Variants in RBFOX1 observed in about 807,000 individuals in gnomAD.
RBFOX1 encodes the protein RNA binding protein fox-1 homolog 1.
RBFOX1 carries 8 observed loss-of-function variants against 57.7 expected under a neutral mutation model. The ratio of observed to expected loss-of-function variants is 0.14; its 90% confidence interval spans 0.08 to 0.25. RBFOX1 has a LOEUF of 0.25. Ranked by LOEUF, RBFOX1 falls within the 10% of genes least tolerant of loss-of-function variation. The pLI, the probability that RBFOX1 is intolerant of heterozygous loss-of-function variation, is 1.00. For missense variants in RBFOX1, 611 were observed against 548.5 expected, an observed-to-expected ratio of 1.11 and a Z score of -1.14; for synonymous variants, 326 against 222.4, an observed-to-expected ratio of 1.47 and a Z score of -4.15.
chr16:6,438,343 G>C (rs2094291959), intron 2 of RBFOX1, among the ~76,000 whole-genome samples: 1 of 152,158 alleles, frequency 6.6e-6, no homozygotes, highest in Non-Finnish European at 1.5e-5. Context: ...GGCTTAAGGA[G>C]AGTAAGTAAT....
At chr16:7,258,912 TC>T (rs2094806381) in intron 4 of RBFOX1, among the ~76,000 whole-genome samples, 1 of 152,188 alleles carries the variant, frequency 6.6e-6, no homozygotes, top group South Asian at 2.1e-4. Context: ...TCCTCTGGTT[TC>T]CCATAAGGTG....
At chr16:6,852,961 C>G (rs967562954) in intron 3 of RBFOX1, among the ~76,000 whole-genome samples, 3 of 152,152 alleles carry the variant, frequency 2.0e-5, no homozygotes, top group African/African-American at 4.8e-5. Context: ...TTGATGACAT[C>G]AAGAGACCAT....
chr16:5,768,621 T>G (rs915152733), intron 3 of RBFOX1, among the ~76,000 whole-genome samples: 15 of 152,196 alleles, frequency 9.9e-5, no homozygotes, highest in African/African-American at 3.4e-4. Flanking sequence ...CTCTGCATCA[T>G]AGCCAAAATC....
chr16:6,985,100 C>T (rs1005209631), intron 3 of RBFOX1, among the ~76,000 whole-genome samples: 1 of 152,016 alleles, frequency 6.6e-6, no homozygotes, highest in African/African-American at 2.4e-5. Flanking sequence ...CCTCTCCCCT[C>T]TCCTTCCTTC....
At chr16:7,238,018 G>C (rs999204711) in intron 4 of RBFOX1, among the ~76,000 whole-genome samples, 1 of 152,156 alleles carries the variant, frequency 6.6e-6, no homozygotes, top group Non-Finnish European at 1.5e-5. Context: ...AAAGAAAAGA[G>C]ATGCTGATAC....
intron 1 of RBFOX1, among the ~76,000 whole-genome samples, chr16:5,308,695 T>C (rs374272592): frequency 2.7e-4 from 41 of 152,312 alleles, no homozygotes; most frequent in African/African-American, 9.1e-4. Flanking sequence ...TTTTTTCTTC[T>C]GGAGTTTATA....
At chr16:5,785,936 A>AC (rs34421256) in intron 3 of RBFOX1, among the ~76,000 whole-genome samples, 1 of 151,338 alleles carries the variant, frequency 6.6e-6, no homozygotes, top group Non-Finnish European at 1.5e-5. Flanking sequence ...TACTGAAACC[A>AC]CCCCCCATTT....
At chr16:6,124,204 G>A (rs1482006167) in intron 1 of RBFOX1, among the ~76,000 whole-genome samples, 1 of 152,150 alleles carries the variant, frequency 6.6e-6, no homozygotes, top group Non-Finnish European at 1.5e-5. Context: ...TCCCTTTTAT[G>A]TTGGATGGTT....
At chr16:5,476,919 C>G (rs1403315021) in intron 2 of RBFOX1, among the ~76,000 whole-genome samples, 1 of 152,244 alleles carries the variant, frequency 6.6e-6, no homozygotes, top group African/African-American at 2.4e-5. Flanking sequence ...ACCTCTCCAT[C>G]TAGCCATGAT....
chr16:5,799,433 G>T (rs994255295), intron 3 of RBFOX1, among the ~76,000 whole-genome samples: 8 of 152,092 alleles, frequency 5.3e-5, no homozygotes, highest in Non-Finnish European at 1.2e-4. Flanking sequence ...ACAGATGTAT[G>T]GTCCCCGAAT....
At chr16:7,056,521 C>G (rs766912195) in intron 4 of RBFOX1, among the ~76,000 whole-genome samples, 1 of 152,152 alleles carries the variant, frequency 6.6e-6, no homozygotes, top group Non-Finnish European at 1.5e-5. Flanking sequence ...ATCCAATTAT[C>G]AACATTTACC....
In RBFOX1 at chr16:5,647,952, T is replaced by C. The variant is rs879841210; in HGVS notation, c.318+48991T>C. On this transcript the variant is annotated intron_variant, in intron 3 of 19. Coordinates refer to the RBFOX1 transcript ENST00000641259. ...TCAGCTCACTGCAACATCCACCTCC[T>C]GGGTTCAAGATATTCTCCTGCCTCA... Among the ~76,000 whole-genome samples the C allele has an allele frequency of 2.6e-5, 4 of 152,154 alleles. No homozygotes were observed. The East Asian group carries it at 7.7e-4, about 29-fold the overall frequency.
chr16:5,239,786 G>A (rs990254348), upstream of RBFOX1: 331 of 633,974 alleles, frequency 5.2e-4, 1 homozygote, highest in Non-Finnish European at 7.9e-4. Context: ...TCCGCGCCGC[G>A]CGGACCCACC....
intron 10 of RBFOX1, among the ~76,000 whole-genome samples, chr16:7,629,439 A>G (rs996813859): frequency 2.0e-5 from 3 of 152,148 alleles, no homozygotes; most frequent in Non-Finnish European, 2.9e-5. Context: ...GCTTCTTATC[A>G]TGGGAGATTG....
chr16:5,793,831 C>T (rs1202252753), intron 3 of RBFOX1, among the ~76,000 whole-genome samples: 1 of 152,144 alleles, frequency 6.6e-6, no homozygotes, highest in East Asian at 1.9e-4. Flanking sequence ...TGCAAGTGTT[C>T]ATTTGCACAT....
At chr16:5,504,436 A>G (rs542340789) in intron 2 of RBFOX1, among the ~76,000 whole-genome samples, 67 of 152,342 alleles carry the variant, frequency 4.4e-4, no homozygotes, top group African/African-American at 1.6e-3. Flanking sequence ...AGTTTCCTGC[A>G]GTAGGGCCAA....
rs74007777 is a variant in RBFOX1 at position 6,857,656 on chromosome 16, C to T, written c.-15-194401C>T. 6.1e-3 allele frequency among the ~76,000 whole-genome samples: 925 copies of T among 152,268 alleles called. 11 individuals are homozygous for T. The highest frequency in any genetic ancestry group is 0.021 in the African/African-American group (876 of 41,528). ...ACTGTGTAAGATGCCCCTAAGGCTACATGGAAACTTACTCTCTGTGATAGC... is the reference window on the plus strand; with the variant it reads ...ACTGTGTAAGATGCCCCTAAGGCTATATGGAAACTTACTCTCTGTGATAGC... On this transcript the variant is annotated intron_variant, in intron 3 of 15. Transcript: ENST00000550418.
intron 3 of RBFOX1, among the ~76,000 whole-genome samples, chr16:6,885,824 C>G (rs971036478): frequency 6.6e-6 from 1 of 152,170 alleles, no homozygotes; most frequent in African/African-American, 2.4e-5. Context: ...AATCACTGCA[C>G]CCGGCCTTAG....
At chr16:5,597,531 C>T (rs948205928) in intron 2 of RBFOX1, among the ~76,000 whole-genome samples, 1 of 151,686 alleles carries the variant, frequency 6.6e-6, no homozygotes, top group Non-Finnish European at 1.5e-5. Flanking sequence ...TCCCAAGTAG[C>T]TGAGATTACA....
Sources: allele counts gnomAD v4.1 joint callset (sites outside exome capture counted in the v4.1 genomes callset), GRCh38; gene constraint gnomAD v4.1.1; transcripts MANE v1.5; gene names NCBI Gene and HGNC (gene_info 2026-07-23, HGNC 2026-07-21).